Variants in CCDC85A observed in about 807,000 individuals in gnomAD.
CCDC85A encodes coiled-coil domain-containing protein 85A.
Under a neutral mutation model 50.2 loss-of-function variants are expected in CCDC85A, and 38 were observed. The ratio of observed to expected loss-of-function variants is 0.76; its 90% CI spans 0.58 to 0.99. The LOEUF is 0.99. CCDC85A is among the 50% of genes least tolerant of loss of function. CCDC85A has a pLI of 0.00. For synonymous variants in CCDC85A, 366 were observed against 301.4 expected, an observed-to-expected ratio of 1.21 and a Z score of -2.22; for missense variants, 820 against 742.0, an observed-to-expected ratio of 1.11 and a Z score of -1.22.
intron 2 of CCDC85A, among the ~76,000 whole-genome samples, chr2:56,250,637 T>G (rs1669712509): frequency 6.6e-6 from 1 of 152,134 alleles, no homozygotes; most frequent in African/African-American, 2.4e-5. Context: ...TCTCCTGAGT[T>G]TCCAGAAATG....
intron 2 of CCDC85A, among the ~76,000 whole-genome samples, chr2:56,301,750 G>A (rs750784535): frequency 1.3e-5 from 2 of 152,100 alleles, no homozygotes; most frequent in Non-Finnish European, 2.9e-5. Flanking sequence ...TAAGTGGGAG[G>A]TGAACAATGA....
At chr2:56,274,548 G>T (rs1175403401) in intron 2 of CCDC85A, among the ~76,000 whole-genome samples, 4 of 152,164 alleles carry the variant, frequency 2.6e-5, no homozygotes, top group African/African-American at 4.8e-5. Context: ...CAACCGATTG[G>T]ATAAAGCCCA....
intron 2 of CCDC85A, among the ~76,000 whole-genome samples, chr2:56,305,570 T>C (rs528173146): frequency 2.6e-5 from 4 of 152,348 alleles, no homozygotes; most frequent in African/African-American, 9.6e-5. Context: ...GCACAGCCCA[T>C]AGATAATAAT....
At chr2:56,239,422 G>A (rs973811694) in intron 2 of CCDC85A, among the ~76,000 whole-genome samples, 2 of 152,024 alleles carry the variant, frequency 1.3e-5, no homozygotes, top group African/African-American at 4.8e-5. Flanking sequence ...GGTTAATCTG[G>A]CCTGTTCCTA....
intron 2 of CCDC85A, among the ~76,000 whole-genome samples, chr2:56,270,587 C>T (rs1573142121): frequency 6.6e-6 from 1 of 152,146 alleles, no homozygotes; most frequent in East Asian, 1.9e-4. Context: ...ACTGGTGGAC[C>T]TAGAGGAGTC....
In CCDC85A at chr2:56,193,384, G is replaced by C; in HGVS notation, c.1184G>C (p.Arg395Pro). Reference sequence around the variant, plus strand: ...GGCAGCAGGGAGGGCACCCTCAGACGGCAGGCACAGGAGGACGGGTCACCC... The same window carrying C: ...GGCAGCAGGGAGGGCACCCTCAGACCGCAGGCACAGGAGGACGGGTCACCC... The part of the protein sequence containing the change: ...GGGSREGTLR[R>P]QAQEDGSPHH... The change falls in exon 2 of 6, where the codon CGG becomes CCG. Residue 395 changes from arginine (R) to proline (P), a missense_variant. Physicochemically the swap from Arg to Pro is moderately radical, Grantham distance 103 (BLOSUM62 -2). Coordinates refer to ENST00000407595, the MANE Select transcript of CCDC85A (RefSeq NM_001080433.2). The C allele has an allele frequency of 6.2e-7, 1 of 1,611,360 alleles. No homozygotes were observed. Among genetic ancestry groups the C allele is most frequent in the Non-Finnish European group, 8.5e-7 (1 of 1,178,762 alleles).
chr2:56,210,220 A>C (rs1677127418), intron 2 of CCDC85A, among the ~76,000 whole-genome samples: 1 of 152,080 alleles, frequency 6.6e-6, no homozygotes, highest in Non-Finnish European at 1.5e-5. Context: ...CTGTGGTCCA[A>C]GGGCCAAATA....
chr2:56,343,221 A>T (rs1674462606), intron 3 of CCDC85A, among the ~76,000 whole-genome samples: 1 of 152,212 alleles, frequency 6.6e-6, no homozygotes, highest in Non-Finnish European at 1.5e-5. Context: ...GGATAAAATA[A>T]TGAGAAGTAG....
chr2:56,347,914 G>C (rs1674710091), intron 3 of CCDC85A, among the ~76,000 whole-genome samples: 1 of 152,020 alleles, frequency 6.6e-6, no homozygotes, highest in Non-Finnish European at 1.5e-5. Flanking sequence ...TGTGCAGTGA[G>C]GCCTATTCAA....
chr2:56,200,175 C>T (rs59891335), intron 2 of CCDC85A, among the ~76,000 whole-genome samples: 4,800 of 152,224 alleles, frequency 0.032, 240 homozygotes, highest in African/African-American at 0.11. Flanking sequence ...CCCGTTTTTG[C>T]TTGTTGGCTG....
At chr2:56,355,106 G>A (rs1056113391) in intron 3 of CCDC85A, among the ~76,000 whole-genome samples, 2 of 152,148 alleles carry the variant, frequency 1.3e-5, no homozygotes, top group Non-Finnish European at 2.9e-5. Flanking sequence ...CCCTTCCTGA[G>A]CCTGAGTTTG....
At chr2:56,216,208 A>T (rs1460257777) in intron 2 of CCDC85A, among the ~76,000 whole-genome samples, 1 of 151,910 alleles carries the variant, frequency 6.6e-6, no homozygotes, top group East Asian at 1.9e-4. Context: ...CTATGTGCAT[A>T]CTTGTGCATC....
intron 5 of CCDC85A, among the ~76,000 whole-genome samples, chr2:56,377,678 G>A (rs1251768027): frequency 6.6e-6 from 1 of 152,054 alleles, no homozygotes; most frequent in African/African-American, 2.4e-5. Context: ...CATGAGGTCA[G>A]GAGTTTGAGA....
chr2:56,290,718 A>G (rs1228369119), intron 2 of CCDC85A, among the ~76,000 whole-genome samples: 1 of 152,246 alleles, frequency 6.6e-6, no homozygotes, highest in Admixed American at 6.5e-5. Context: ...TGTGAACCAA[A>G]AGGACATCTC....
chr2:56,284,373 ATCT>A (rs1177430191), intron 2 of CCDC85A, among the ~76,000 whole-genome samples: 1 of 152,186 alleles, frequency 6.6e-6, no homozygotes, highest in African/African-American at 2.4e-5. Context: ...TAACGTTCAA[ATCT>A]TCTTATTTTT....
At chr2:56,301,405 T>A (rs1672196330) in intron 2 of CCDC85A, among the ~76,000 whole-genome samples, 1 of 152,210 alleles carries the variant, frequency 6.6e-6, no homozygotes, top group Non-Finnish European at 1.5e-5. Context: ...GGTTAAAATG[T>A]GACTATTTTG....
At chr2:56,277,724 A>G (rs1671016501) in intron 2 of CCDC85A, among the ~76,000 whole-genome samples, 1 of 152,234 alleles carries the variant, frequency 6.6e-6, no homozygotes, top group African/African-American at 2.4e-5. Context: ...TGCTAACATG[A>G]GTAAGACGAG....
intron 4 of CCDC85A, among the ~76,000 whole-genome samples, chr2:56,375,147 T>G (rs890004835): frequency 1.3e-5 from 2 of 152,174 alleles, no homozygotes; most frequent in Non-Finnish European, 2.9e-5. Flanking sequence ...AAATTTCCAG[T>G]GCTTGTACAG....
rs1558576146 is a variant in CCDC85A at position 56,192,702 on chromosome 2, C to T, written c.502C>T (p.Leu168Phe). 3.7e-6 allele frequency: 6 copies of T among 1,613,876 alleles called. No individual in the cohort carries two copies. Among genetic ancestry groups the T allele is most frequent in the Admixed American group, 1.7e-5 (1 of 59,998 alleles). ...VVKENMELKE[L>F]CVLLDEEKGA... ...GAAGGAGAACATGGAGCTCAAGGAG[C>T]TCTGTGTGCTACTAGATGAGGAGAA... The change falls in exon 2 of 6, where the codon CTC becomes TTC. Residue 168 changes from leucine to phenylalanine, a missense_variant. Physicochemically the swap from Leu to Phe is conservative, Grantham distance 22 (BLOSUM62 0). Coordinates refer to ENST00000407595, the MANE Select transcript of CCDC85A (RefSeq NM_001080433.2). The surrounding 1 kb of genome is among the most constrained non-coding windows in gnomAD (Gnocchi z 4.7).
Sources: allele counts gnomAD v4.1 joint callset (sites outside exome capture counted in the v4.1 genomes callset), GRCh38; gene constraint gnomAD v4.1.1; non-coding constraint Gnocchi (gnomAD v3.1); transcripts MANE v1.5; gene names NCBI Gene and HGNC (gene_info 2026-07-23, HGNC 2026-07-21).